The following GANC variants were observed in gnomAD, a reference collection of about 807,000 sequenced individuals.
GANC encodes the protein neutral alpha-glucosidase C.
A neutral mutation model predicts 124.2 loss-of-function variants in GANC; 117 were observed. The observed-to-expected ratio is 0.94, with a 90% CI of 0.81 to 1.10. The LOEUF (loss-of-function observed/expected upper bound fraction) is 1.10. Ranked by LOEUF, GANC falls within the 50% of genes least tolerant of loss-of-function variation. GANC has a pLI of 0.00. For missense variants in GANC, 1,140 were observed against 1,095.0 expected, an observed-to-expected ratio of 1.04 and a Z score of -0.58; for synonymous variants, 377 against 376.8, an observed-to-expected ratio of 1.00 and a Z score of -0.01.
At chr15:42,310,994 C>G in intron 10 of GANC, 148 bp downstream of exon 10, 1 of 847,842 alleles carries the variant, frequency 1.2e-6, no homozygotes, top group Admixed American at 2.5e-5. Context: ...TGTTCCCATC[C>G]TCATCCCATT....
intron 23 of GANC, among the ~76,000 whole-genome samples, chr15:42,351,759 G>C (rs1243376773): frequency 3.3e-5 from 5 of 152,202 alleles, no homozygotes. Flanking sequence ...TGAAAGGGCA[G>C]GATGGGACTT....
chr15:42,308,159 A>C, intron 7 of GANC, 63 bp from the exon 8 acceptor site: 1 of 1,036,670 alleles, frequency 9.6e-7, no homozygotes, highest in Non-Finnish European at 1.5e-6. Context: ...ACTCAGAATT[A>C]ACTGAATCTC....
chr15:42,300,912 G>A (rs2051939020), intron 6 of GANC, among the ~76,000 whole-genome samples: 1 of 152,014 alleles, frequency 6.6e-6, no homozygotes, highest in African/African-American at 2.4e-5. Flanking sequence ...CAGCTACTAG[G>A]GAGGCTGAAG....
Position 42,321,654 on chromosome 15 carries a change from T to G in GANC, c.1058-131T>G, listed in dbSNP as rs1386462015. 3.9e-6 allele frequency: 3 copies of G among 771,084 alleles called. No individual in the cohort carries two copies. In the African/African-American group the frequency reaches 5.2e-5, roughly 13 times the overall value. The allele number at this position is 771,084 out of a possible 1,614,324, so 47.8% of individuals were successfully genotyped here. A position where few individuals can be genotyped will look rare whatever the true frequency, so the allele number is the denominator to read the frequency against. On this transcript the variant is annotated intron_variant, in intron 10 of 23. Coordinates refer to ENST00000318010, the MANE Select transcript of GANC (RefSeq NM_198141.3). ...GTCACTTCCTTAAAGGCAAGGACTG[T>G]GCTTTCTTCTCCTTGTTATTCTAAG...
Position 42,352,335 on chromosome 15 carries a change from ACAATATTCCTTGTAT to A in GANC, c.*200_*214del. The A allele has an allele frequency of 7.2e-7, 1 of 1,391,388 alleles. No homozygotes were observed. Among genetic ancestry groups the A allele is most frequent in the Non-Finnish European group, 9.3e-7 (1 of 1,073,256 alleles). The allele number at this position is 1,391,388 out of a possible 1,614,324, so 86.2% of individuals were successfully genotyped here. ...AGATTTTACATGTTAAGATGTACTA[ACAATATTCCTTGTAT>A]CAAACATCTCCTTTTCTCCCTGATA... On this transcript the variant is annotated 3_prime_UTR_variant, in exon 24 of 24. Transcript: ENST00000318010.
At chr15:42,309,786 A>C (rs2052033528) in intron 8 of GANC, among the ~76,000 whole-genome samples, 2 of 151,336 alleles carry the variant, frequency 1.3e-5, no homozygotes, top group South Asian at 4.2e-4. Flanking sequence ...TGGGAGGCCG[A>C]GGTGGGTAGA....
At chr15:42,348,329 C>A (rs1236202371) in intron 21 of GANC, 113 bp downstream of exon 21, 3 of 652,794 alleles carry the variant, frequency 4.6e-6, no homozygotes, top group Non-Finnish European at 7.8e-6. Context: ...ATCTAGAAAT[C>A]AAGGTTTGAA....
intron 15 of GANC, among the ~76,000 whole-genome samples, chr15:42,337,687 A>G (rs1399169653): frequency 6.6e-6 from 1 of 152,226 alleles, no homozygotes; most frequent in African/African-American, 2.4e-5. Context: ...TTACCAACAT[A>G]ACACACCTGT....
At chr15:42,277,232 A>G (rs2051680170) in intron 2 of GANC, among the ~76,000 whole-genome samples, 1 of 152,158 alleles carries the variant, frequency 6.6e-6, no homozygotes, top group South Asian at 2.1e-4. Flanking sequence ...TCCTATCAAC[A>G]TTATATAAGA....
intron 2 of GANC, among the ~76,000 whole-genome samples, chr15:42,277,783 G>C (rs1232083248): frequency 6.6e-6 from 1 of 151,524 alleles, no homozygotes; most frequent in Non-Finnish European, 1.5e-5. Context: ...TGTATTTTTA[G>C]TAGAGAGGGG....
chr15:42,276,193 C>A, intron 1 of GANC, 155 bp from the exon 2 acceptor site: 1 of 548,308 alleles, frequency 1.8e-6, no homozygotes, highest in Non-Finnish European at 3.3e-6. Context: ...ACATAATGTG[C>A]TATTATGTTA....
chr15:42,292,637 G>A, intron 4 of GANC, 98 bp from the exon 5 acceptor site: 1 of 1,198,042 alleles, frequency 8.3e-7, no homozygotes, highest in Admixed American at 2.3e-5. Flanking sequence ...TATGTCACAT[G>A]AATATTGATT....
chr15:42,338,090 A>T (rs988521455), intron 15 of GANC, among the ~76,000 whole-genome samples: 2 of 152,122 alleles, frequency 1.3e-5, no homozygotes, highest in African/African-American at 4.8e-5. Context: ...CATGTATTAT[A>T]TGCAAGTTAA....
At chr15:42,287,920 C>A in intron 4 of GANC, 102 bp downstream of exon 4, 2 of 1,163,296 alleles carry the variant, frequency 1.7e-6, no homozygotes, top group Non-Finnish European at 2.4e-6. Context: ...TTTGGCTGCT[C>A]AAAACTACAG....
intron 3 of GANC, among the ~76,000 whole-genome samples, chr15:42,286,704 G>A (rs149784847): frequency 8.1e-4 from 123 of 152,326 alleles, no homozygotes; most frequent in Middle Eastern, 3.4e-3. Context: ...AAGAGGCAAA[G>A]TTCCAGTAAC....
At chr15:42,329,244 G>A (rs375665324) in intron 13 of GANC, 62 bp from the exon 14 acceptor site, 7 of 1,497,340 alleles carry the variant, frequency 4.7e-6, no homozygotes, top group South Asian at 2.5e-5. Flanking sequence ...GGTAGCAATG[G>A]TGACAGCTAT....
rs374105682 is a variant in GANC at position 42,321,856 on chromosome 15, G to T, written c.1129G>T (p.Asp377Tyr). 1.2e-6 allele frequency: 2 copies of T among 1,614,074 alleles called. No homozygotes were observed. The highest frequency in any genetic ancestry group is 2.7e-5 in the African/African-American group (2 of 74,926). Residue 377 changes from aspartate (D) to tyrosine (Y), a missense_variant, in exon 11 of 24, where the codon GAT (aspartate) becomes TAT (tyrosine). Asp to Tyr is a radical substitution (Grantham distance 160). Coordinates refer to ENST00000318010, the MANE Select transcript of GANC (RefSeq NM_198141.3). ...QCRWNYEDEQ[D>Y]VKAVDAGFDE... ...CCGCTGGAACTATGAAGATGAGCAG[G>T]ATGTAAAAGCAGTGGATGCAGGGTT...
chr15:42,353,070 A>T lies in GANC; in HGVS notation c.*931A>T. 1 of 938,842 alleles carries T rather than the reference A, an allele frequency of 1.1e-6. No homozygotes were observed. Among genetic ancestry groups the T allele is most frequent in the Non-Finnish European group, 1.3e-6 (1 of 787,086 alleles). 58.2% of individuals were successfully genotyped at this position (938,842 alleles called of 1,614,324 possible). ...TATTAAAATTTAAAATAAAGACAGG[A>T]TTAGTATTACTGAGTTTTCCTTTTG... On this transcript the variant is annotated 3_prime_UTR_variant, in exon 24 of 24. Coordinates refer to ENST00000318010, the MANE Select transcript of GANC (RefSeq NM_198141.3).
intron 5 of GANC, 139 bp downstream of exon 5, chr15:42,293,056 C>A: frequency 1.3e-6 from 1 of 752,816 alleles, no homozygotes; most frequent in Non-Finnish European, 2.1e-6. Flanking sequence ...GAAATTTTAC[C>A]TTTTCACCTG....
Sources: allele counts gnomAD v4.1 joint callset (sites outside exome capture counted in the v4.1 genomes callset), GRCh38; gene constraint gnomAD v4.1.1; transcripts MANE v1.5; gene names NCBI Gene and HGNC (gene_info 2026-07-23, HGNC 2026-07-21).